Variants in MAP3K9 observed in about 807,000 individuals in gnomAD.
MAP3K9 encodes mixed lineage kinase 1 (tyr and ser/thr specificity).
MAP3K9 carries 46 observed loss-of-function variants against 95.8 expected under a neutral mutation model. The observed-to-expected ratio is 0.48, with a 90% CI of 0.38 to 0.61. The LOEUF is 0.61. Among genes scored for constraint, MAP3K9 ranks in the 20% least tolerant of loss-of-function variants. The pLI is 0.00. For missense variants in MAP3K9, 1,296 were observed against 1,474.3 expected (o/e 0.88, Z 1.98); for synonymous variants, 533 against 593.8 (o/e 0.90, Z 1.49).
chr14:70,737,439 A>G (rs1337463662), intron 8 of MAP3K9, among the ~76,000 whole-genome samples: 1 of 152,208 alleles, frequency 6.6e-6, no homozygotes, highest in Admixed American at 6.5e-5. Flanking sequence ...CTTCATTACT[A>G]CACTATGAGT....
Position 70,748,158 on chromosome 14 carries a change from TC to T in MAP3K9, c.1326+670del, listed in dbSNP as rs201711081. Among the ~76,000 whole-genome samples, 1,298 of 151,766 alleles carry T rather than the reference TC, an allele frequency of 8.6e-3. 27 individuals carry two copies. The highest frequency in any genetic ancestry group is 0.03 in the African/African-American group (1,232 of 41,408). ...TTAACCAAATCTATAAAGACTTCTC[TC>T]TTGCCCCTAGCTACATCCCTTAGAT... On this transcript the variant is annotated intron_variant, in intron 5 of 11. Transcript: ENST00000554752.
intron 2 of MAP3K9, among the ~76,000 whole-genome samples, chr14:70,766,490 C>T (rs558464045): frequency 6.6e-5 from 10 of 152,282 alleles, no homozygotes; most frequent in African/African-American, 1.7e-4. Context: ...ACAATAACCA[C>T]GCAATACATT....
intron 2 of MAP3K9, among the ~76,000 whole-genome samples, chr14:70,781,281 G>C (rs947391362): frequency 6.6e-6 from 1 of 152,218 alleles, no homozygotes; most frequent in Non-Finnish European, 1.5e-5. Context: ...CATGCTCATG[G>C]ACAGACTGCA....
chr14:70,800,593 T>C, intron 2 of MAP3K9, 74 bp downstream of exon 2: 1 of 1,466,684 alleles, frequency 6.8e-7, no homozygotes, highest in Non-Finnish European at 9.3e-7. Context: ...CCATTAGAAG[T>C]CCACTCCTAC....
At chr14:70,764,267 T>C (rs1050914621) in intron 2 of MAP3K9, among the ~76,000 whole-genome samples, 5 of 149,950 alleles carry the variant, frequency 3.3e-5, no homozygotes, top group Admixed American at 1.3e-4. Flanking sequence ...AAGAAGGCAT[T>C]GTTATTATAG....
chr14:70,748,733 CTCGG>C, intron 5 of MAP3K9, 92 bp downstream of exon 5: 1 of 911,092 alleles, frequency 1.1e-6, no homozygotes, highest in South Asian at 1.8e-5. Context: ...GTCAGTCAGA[CTCGG>C]TCCAGAGGTC....
chr14:70,804,646 C>G (rs555066525), intron 1 of MAP3K9, among the ~76,000 whole-genome samples: 1 of 152,014 alleles, frequency 6.6e-6, no homozygotes, highest in Non-Finnish European at 1.5e-5. Flanking sequence ...TGTAAACACA[C>G]AGTAGGTGTT....
rs372484455 is a variant in MAP3K9, at chr14:70,738,354, C to T, written c.1735G>A (p.Val579Ile). Residue 579 changes from valine (V) to isoleucine (I), a missense_variant, in exon 8 of 12, where the codon GTC becomes ATC. Around this residue, in one of 5 missense-constraint regions of MAP3K9, gnomAD observed 377 missense variants for 417.1 expected, o/e 0.90. Coordinates refer to ENST00000554752, the MANE Select transcript of MAP3K9 (RefSeq NM_001284230.2). ...TCCTCCTCCCCTTCCTCCTTTGGGACGACTGAGCTCCTGCCCCAGGTTTTG... is the reference window on the plus strand; with the variant it reads ...TCCTCCTCCCCTTCCTCCTTTGGGATGACTGAGCTCCTGCCCCAGGTTTTG... Reference protein sequence around the residue: ...SSKTWGRSSVVPKEEGEEEEK... With the variant: ...SSKTWGRSSVIPKEEGEEEEK... 6.8e-6 allele frequency: 11 copies of T among 1,614,002 alleles called. No individual in the cohort carries two copies. Among genetic ancestry groups the T allele is most frequent in the South Asian group, 2.2e-5 (2 of 91,034 alleles).
chr14:70,795,050 G>A (rs2054849126), intron 2 of MAP3K9, among the ~76,000 whole-genome samples: 1 of 136,602 alleles, frequency 7.3e-6, no homozygotes, highest in Admixed American at 7.9e-5. Context: ...CTGGAGTGCA[G>A]TGGCTCAATC....
Position 70,733,258 on chromosome 14 carries a change from G to A in MAP3K9, c.2111C>T (p.Pro704Leu), listed in dbSNP as rs374128261. The change falls in exon 11 of 12, where the codon CCT (proline) becomes CTT (leucine). Residue 704 changes from proline to leucine, a missense_variant. Around this residue, in one of 5 missense-constraint regions of MAP3K9, gnomAD observed 377 missense variants for 417.1 expected, o/e 0.90. Transcript: ENST00000554752. ...GGGGCCATCGCCATCCTCTCCACGA[G>A]GGAATGGGATACAGAGGTAGGACTG... ...PSQSYLCIPF[P>L]RGEDGDGPSS... 29 of 1,612,482 alleles carry A rather than the reference G, an allele frequency of 1.8e-5. No homozygotes were observed. The East Asian group carries it at 4.2e-4, about 24-fold the overall frequency.
At chr14:70,784,769 T>C (rs76995981) in intron 2 of MAP3K9, among the ~76,000 whole-genome samples, 1,583 of 152,228 alleles carry the variant, frequency 0.01, 19 homozygotes, top group Non-Finnish European at 0.017. Flanking sequence ...GTTCAAATTG[T>C]GCTTTTGGAG....
intron 2 of MAP3K9, among the ~76,000 whole-genome samples, chr14:70,798,471 G>GTTTGTT (rs2054889688): frequency 1.5e-5 from 1 of 65,438 alleles, no homozygotes; most frequent in African/African-American, 6.2e-5. Context: ...GTCACCAAAA[G>GTTTGTT]TTTTTTTTTT....
At chr14:70,733,813 G>T (rs1219687140) in intron 10 of MAP3K9, 1 of 718,182 alleles carries the variant, frequency 1.4e-6, no homozygotes, top group Non-Finnish European at 2.6e-6. Flanking sequence ...AACAAAGCAG[G>T]CAGAAAAAGG....
At chr14:70,738,776 T>C (rs1409695763) in intron 7 of MAP3K9, among the ~76,000 whole-genome samples, 1 of 151,002 alleles carries the variant, frequency 6.6e-6, no homozygotes. Flanking sequence ...AAGGAAGGCG[T>C]GGAAATGCAG....
intron 2 of MAP3K9, among the ~76,000 whole-genome samples, chr14:70,762,578 C>G (rs1348716731): frequency 4.6e-5 from 7 of 152,048 alleles, no homozygotes; most frequent in Non-Finnish European, 8.8e-5. Flanking sequence ...ATCCTTTGCC[C>G]ATTTTTAAAG....
chr14:70,775,434 G>A (rs972125554), intron 2 of MAP3K9, among the ~76,000 whole-genome samples: 3 of 152,160 alleles, frequency 2.0e-5, no homozygotes, highest in Non-Finnish European at 2.9e-5. Context: ...TCCATTTGGG[G>A]GTCAAATGTT....
intron 1 of MAP3K9, among the ~76,000 whole-genome samples, chr14:70,803,336 T>TCAAAAAAA (rs1566771064): frequency 4.5e-5 from 3 of 66,142 alleles, no homozygotes; most frequent in African/African-American, 1.3e-4. Flanking sequence ...AATTCAGATC[T>TCAAAAAAA]TAAAAAAAAA....
chr14:70,765,291 C>T (rs1374592619), intron 2 of MAP3K9: 5 of 380,240 alleles, frequency 1.3e-5, no homozygotes, highest in Admixed American at 4.5e-5. Context: ...GATTGCACCA[C>T]TGCACTCCAG....
chr14:70,772,746 T>C (rs972256743), intron 2 of MAP3K9, among the ~76,000 whole-genome samples: 68 of 152,366 alleles, frequency 4.5e-4, no homozygotes, highest in African/African-American at 1.6e-3. Context: ...AACTAATGTT[T>C]ATGGAGTCCT....
Sources: gnomAD v4.1 joint callset for allele counts (sites outside exome capture counted in the v4.1 genomes callset) on GRCh38, gnomAD v4.1.1 for gene constraint, gnomAD v4.1.1 regional missense constraint, MANE v1.5 for transcripts, NCBI Gene and HGNC (gene_info 2026-07-23, HGNC 2026-07-21) for gene names.